BTBD9: variants seen among roughly 807,000 people sequenced by gnomAD.
BTBD9 encodes the protein BTB/POZ domain-containing protein 9.
A neutral mutation model predicts 64.3 loss-of-function variants in BTBD9; 49 were observed. The ratio of observed to expected loss-of-function variants is 0.76; its 90% CI spans 0.61 to 0.97. The LOEUF is 0.97. BTBD9 is among the 50% of genes least tolerant of loss of function. The probability of loss-of-function intolerance (pLI) is 0.00; values close to 1 mark genes in which losing one functional copy is unlikely to be tolerated. For missense variants in BTBD9, 598 were observed against 762.1 expected (o/e 0.78, Z 2.53); for synonymous variants, 260 against 274.7 (o/e 0.95, Z 0.53).
intron 9 of BTBD9, among the ~76,000 whole-genome samples, chr6:38,201,049 A>C (rs544548836): frequency 1.1e-4 from 16 of 152,112 alleles, no homozygotes; most frequent in Admixed American, 2.6e-4. Flanking sequence ...ATAAAAAAAA[A>C]ATCCCAAAAC....
intron 6 of BTBD9, among the ~76,000 whole-genome samples, chr6:38,451,103 G>C (rs1053447350): frequency 6.6e-6 from 1 of 152,050 alleles, no homozygotes; most frequent in Non-Finnish European, 1.5e-5. Context: ...TATGATCCCC[G>C]ATTACTCTAA....
At chr6:38,498,484 G>C (rs1460444783) in intron 6 of BTBD9, among the ~76,000 whole-genome samples, 1 of 139,762 alleles carries the variant, frequency 7.2e-6, no homozygotes, top group Admixed American at 7.2e-5. Context: ...AACAAGGCAA[G>C]AAGTAACCCA....
intron 1 of BTBD9, among the ~76,000 whole-genome samples, chr6:38,615,759 C>G (rs779519023): frequency 6.6e-6 from 1 of 152,210 alleles, no homozygotes; most frequent in Non-Finnish European, 1.5e-5. Context: ...CCCTATTCAC[C>G]TCAGTGCCTA....
At chr6:38,462,899 C>T (rs1006094967) in intron 6 of BTBD9, among the ~76,000 whole-genome samples, 1 of 152,122 alleles carries the variant, frequency 6.6e-6, no homozygotes, top group Non-Finnish European at 1.5e-5. Flanking sequence ...CCTGGACTCA[C>T]ACTATCCTCC....
intron 6 of BTBD9, among the ~76,000 whole-genome samples, chr6:38,492,709 C>T (rs1315741517): frequency 6.6e-6 from 1 of 152,064 alleles, no homozygotes; most frequent in Non-Finnish European, 1.5e-5. Context: ...TATAATGTGG[C>T]ACAAATAGCA....
Position 38,206,301 on chromosome 6 carries a change from G to A in BTBD9, c.1563-13704C>T, listed in dbSNP as rs149171258. ...CATGATTTTGGCTCACTGCAACCTCGCCTCCCAGCTTGGGAGGCTTGAACC... is the reference window on the plus strand; with the variant it reads ...CATGATTTTGGCTCACTGCAACCTCACCTCCCAGCTTGGGAGGCTTGAACC... On this transcript the variant is annotated intron_variant, in intron 9 of 10. Transcript: ENST00000481247. Among the ~76,000 whole-genome samples the A allele has an allele frequency of 1.4e-3, 209 of 151,188 alleles. 1 individual carries two copies. The highest frequency in any genetic ancestry group is 4.9e-3 in the African/African-American group (201 of 41,100).
chr6:38,215,083 G>A (rs570443849), intron 9 of BTBD9, among the ~76,000 whole-genome samples: 1 of 152,314 alleles, frequency 6.6e-6, no homozygotes, highest in East Asian at 1.9e-4. Flanking sequence ...GGGTGAAGGG[G>A]ATGGGTGAAA....
intron 6 of BTBD9, among the ~76,000 whole-genome samples, chr6:38,434,064 C>T (rs1768586565): frequency 6.6e-6 from 1 of 152,008 alleles, no homozygotes; most frequent in South Asian, 2.1e-4. Context: ...ACTTTCCATT[C>T]TGACTCTGGT....
intron 4 of BTBD9, chr6:38,587,604 C>T (rs1776593241): frequency 3.5e-6 from 2 of 576,724 alleles, no homozygotes; most frequent in Non-Finnish European, 6.6e-6. Context: ...TTGTTAATGG[C>T]CAACGAAGAC....
intron 7 of BTBD9, among the ~76,000 whole-genome samples, chr6:38,323,369 C>G (rs1310170607): frequency 6.6e-6 from 1 of 152,002 alleles, no homozygotes; most frequent in Admixed American, 6.6e-5. Flanking sequence ...CCATAAAAAT[C>G]AAACAGATGG....
intron 7 of BTBD9, among the ~76,000 whole-genome samples, chr6:38,288,828 G>A (rs1001747979): frequency 2.0e-5 from 3 of 152,098 alleles, no homozygotes; most frequent in Admixed American, 6.5e-5. Context: ...TCGGGAGGCC[G>A]AGGCAAGAGA....
chr6:38,604,587 G>A (rs550836147), intron 1 of BTBD9, among the ~76,000 whole-genome samples: 1 of 152,136 alleles, frequency 6.6e-6, no homozygotes, highest in Non-Finnish European at 1.5e-5. Flanking sequence ...CAGATAACAA[G>A]TAATGTAAAT....
intron 8 of BTBD9, among the ~76,000 whole-genome samples, chr6:38,272,108 T>C (rs1475126129): frequency 1.3e-5 from 2 of 152,158 alleles, no homozygotes; most frequent in Non-Finnish European, 2.9e-5. Flanking sequence ...GGATAGTCAT[T>C]GACCACTACC....
At position 38,492,356 on chromosome 6, in the gene BTBD9, C is replaced by T. The variant is rs954103150; in HGVS notation, c.1154+85244G>A. On this transcript the variant is annotated intron_variant, in intron 6 of 10. Transcript: ENST00000481247. ...TCTATGATCTTGGGAAAGTAATTTTCATCTTCCTATGGCCCCATTTCCTTC... is the reference window on the plus strand; with the variant it reads ...TCTATGATCTTGGGAAAGTAATTTTTATCTTCCTATGGCCCCATTTCCTTC... Among the ~76,000 whole-genome samples, 7 of 152,200 alleles carry T rather than the reference C, an allele frequency of 4.6e-5. 1 individual carries two copies. The highest frequency in any genetic ancestry group is 1.7e-4 in the African/African-American group (7 of 41,440).
chr6:38,497,576 A>G (rs1461391536), intron 6 of BTBD9, among the ~76,000 whole-genome samples: 1 of 152,204 alleles, frequency 6.6e-6, no homozygotes, highest in Non-Finnish European at 1.5e-5. Context: ...GGAAAGAAAG[A>G]GAACGAGAAA....
intron 6 of BTBD9, among the ~76,000 whole-genome samples, chr6:38,542,728 C>T (rs927862802): frequency 6.6e-6 from 1 of 152,160 alleles, no homozygotes; most frequent in Non-Finnish European, 1.5e-5. Context: ...ATTCCACTTG[C>T]CCTAACCTGG....
chr6:38,350,945 T>G (rs2179533), intron 6 of BTBD9, among the ~76,000 whole-genome samples: 90,975 of 152,140 alleles, frequency 0.6, 27,949 homozygotes, highest in East Asian at 0.83. Flanking sequence ...ATGCCTGTGG[T>G]TTTCCCCAGT....
At position 38,243,713 on chromosome 6, in the gene BTBD9, A is replaced by G. The variant is rs933603049; in HGVS notation, c.1562+12696T>C. 2.0e-5 allele frequency among the ~76,000 whole-genome samples: 3 copies of G among 152,196 alleles called. No individual in the cohort carries two copies. The East Asian group carries it at 5.8e-4, about 29-fold the overall frequency. On this transcript the variant is annotated intron_variant, in intron 9 of 10. Transcript: ENST00000481247. ...CCAAAGGAGTGGAGCTGCTTTATGG[A>G]GAATGACAATGATGAGTTTAGTTTG...
intron 9 of BTBD9, among the ~76,000 whole-genome samples, chr6:38,217,121 A>C (rs1183788010): frequency 6.7e-6 from 1 of 150,278 alleles, no homozygotes; most frequent in African/African-American, 2.5e-5. Flanking sequence ...ATCCTGGCCA[A>C]CATGGTGAAA....
Sources: gnomAD v4.1 joint callset for allele counts (sites outside exome capture counted in the v4.1 genomes callset) on GRCh38, gnomAD v4.1.1 for gene constraint, MANE v1.5 for transcripts, NCBI Gene and HGNC (gene_info 2026-07-23, HGNC 2026-07-21) for gene names.